Variants in PYHIN1 observed in about 807,000 individuals in gnomAD.
The protein encoded by PYHIN1 is pyrin and HIN domain-containing protein 1.
Under a neutral mutation model 43.7 loss-of-function variants are expected in PYHIN1, and 32 were observed. The ratio of observed to expected loss-of-function variants is 0.73; its 90% CI spans 0.55 to 0.98. The LOEUF (loss-of-function observed/expected upper bound fraction) is 0.98. Among genes scored for constraint, PYHIN1 ranks in the 50% least tolerant of loss-of-function variants. PYHIN1 has a pLI of 0.00. For missense variants in PYHIN1, 588 were observed against 589.5 expected (o/e 1.00, Z 0.03); for synonymous variants, 205 against 203.1 (o/e 1.01, Z -0.08).
chr1:158,953,021 A>G (rs1222383349), intron 7 of PYHIN1, among the ~76,000 whole-genome samples: 7 of 152,202 alleles, frequency 4.6e-5, no homozygotes, highest in Non-Finnish European at 8.8e-5. Flanking sequence ...GGTCACTCCC[A>G]CCCGAATATT....
At chr1:158,951,872 G>A (rs932091565) in intron 7 of PYHIN1, among the ~76,000 whole-genome samples, 1 of 152,172 alleles carries the variant, frequency 6.6e-6, no homozygotes, top group Non-Finnish European at 1.5e-5. Flanking sequence ...TGGATTTGGA[G>A]AGAGTCACGT....
At chr1:158,970,967 T>C (rs1650900903) in intron 7 of PYHIN1, among the ~76,000 whole-genome samples, 2 of 152,110 alleles carry the variant, frequency 1.3e-5, no homozygotes, top group African/African-American at 4.8e-5. Context: ...AGATTCATAT[T>C]CAACTTAGTC....
chr1:158,943,667 T>C, intron 5 of PYHIN1, 123 bp from the exon 6 acceptor site: 2 of 589,250 alleles, frequency 3.4e-6, no homozygotes, highest in Non-Finnish European at 6.0e-6. Flanking sequence ...ATATGTATTG[T>C]ATGTCGATAC....
chr1:158,964,496 A>C (rs1102001), intron 7 of PYHIN1, among the ~76,000 whole-genome samples: 146,308 of 152,184 alleles, frequency 0.96, 70,610 homozygotes, highest in East Asian at 1. Context: ...GGTCACTGGG[A>C]AGGTCACCTA....
In PYHIN1 at chr1:158,939,184, C is replaced by T; in HGVS notation, c.516C>T (p.Ala172=). Residue 172 remains alanine (A), a synonymous_variant, in exon 4 of 9, where the codon GCC becomes GCT. Transcript: ENST00000368140. ...CTGCAGGAGCCAGCACGTCCACAGC[C>T]ATGGGCCGTTCCCCACCTCCCCAGA... The part of the protein sequence containing the change: ...SCSAGASTST[A]MGRSPPPQTS... 6.2e-7 allele frequency: 1 copy of T among 1,613,880 alleles called. No individual in the cohort carries two copies.
At position 158,942,218 on chromosome 1, in the gene PYHIN1, A is replaced by T. The variant is rs370870504; in HGVS notation, c.821A>T (p.Tyr274Phe). Residue 274 changes from tyrosine to phenylalanine, a missense_variant, in exon 5 of 9, where the codon TAT becomes TTT. Transcript: ENST00000368140. ...AAGAGAATCATCATTATATCAAATTATTCCAAACGTAATAGTCTCCTAGAG... is the reference window on the plus strand; with the variant it reads ...AAGAGAATCATCATTATATCAAATTTTTCCAAACGTAATAGTCTCCTAGAG... ...IKKRIIIISN[Y>F]SKRNSLLEVN... is the part of the protein sequence containing the mutation. 2 of 1,613,962 alleles carry T rather than the reference A, an allele frequency of 1.2e-6. No homozygotes were observed. Among genetic ancestry groups the T allele is most frequent in the African/African-American group, 1.3e-5 (1 of 74,928 alleles).
chr1:158,962,535 T>A (rs1650383337), intron 7 of PYHIN1, among the ~76,000 whole-genome samples: 1 of 152,170 alleles, frequency 6.6e-6, no homozygotes, highest in Non-Finnish European at 1.5e-5. Flanking sequence ...CCCTGCCCCC[T>A]CCTGAACACT....
At chr1:158,959,236 A>G (rs1244142916) in intron 7 of PYHIN1, among the ~76,000 whole-genome samples, 1 of 152,156 alleles carries the variant, frequency 6.6e-6, no homozygotes, top group Non-Finnish European at 1.5e-5. Flanking sequence ...AGCTGAGCTA[A>G]GGGTCCAGGC....
chr1:158,939,291 A>C, intron 4 of PYHIN1, 44 bp downstream of exon 4: 1 of 1,582,350 alleles, frequency 6.3e-7, no homozygotes, highest in Non-Finnish European at 8.6e-7. Context: ...TCTTCAACCC[A>C]AAATGTAGGA....
chr1:158,987,514 T>G, the PYHIN1 span, among the ~76,000 whole-genome samples: 1 of 152,210 alleles, frequency 6.6e-6, no homozygotes, highest in Non-Finnish European at 1.5e-5. Flanking sequence ...TTCTTGATAA[T>G]GTTATTTGAT....
At chr1:158,959,699 C>G (rs1193426551) in intron 7 of PYHIN1, among the ~76,000 whole-genome samples, 1 of 152,176 alleles carries the variant, frequency 6.6e-6, no homozygotes, top group African/African-American at 2.4e-5. Context: ...CTCTCAGGTC[C>G]TTCATTTATG....
intron 7 of PYHIN1, among the ~76,000 whole-genome samples, chr1:158,959,739 T>C (rs1432706511): frequency 2.0e-5 from 3 of 152,182 alleles, no homozygotes; most frequent in Non-Finnish European, 2.9e-5. Flanking sequence ...CTTTTCATGA[T>C]AGCGTTTGAA....
At chr1:158,981,487 A>C (rs1651481747), downstream of PYHIN1, among the ~76,000 whole-genome samples, 1 of 152,172 alleles carries the variant, frequency 6.6e-6, no homozygotes, top group Non-Finnish European at 1.5e-5. Flanking sequence ...ATAAAGAAAT[A>C]AATAAACAAA....
chr1:158,979,315 C>T (rs938892369), downstream of PYHIN1, among the ~76,000 whole-genome samples: 1 of 152,168 alleles, frequency 6.6e-6, no homozygotes, highest in African/African-American at 2.4e-5. Context: ...CCCCCTTCCT[C>T]CAGCCCCAGC....
chr1:158,935,295 TAAAA>T (rs74959752), intron 1 of PYHIN1, among the ~76,000 whole-genome samples: 6 of 126,898 alleles, frequency 4.7e-5, no homozygotes, highest in Admixed American at 1.6e-4. Flanking sequence ...TGCCAGAGGT[TAAAA>T]AAAAAAAAAA....
chr1:158,937,393 G>T (rs1648624347), intron 2 of PYHIN1, among the ~76,000 whole-genome samples: 1 of 152,038 alleles, frequency 6.6e-6, no homozygotes, highest in South Asian at 2.1e-4. Flanking sequence ...TGCAGTAAAA[G>T]AACAAAAAGG....
intron 7 of PYHIN1, among the ~76,000 whole-genome samples, chr1:158,964,829 C>T (rs1650533210): frequency 6.6e-6 from 1 of 152,066 alleles, no homozygotes; most frequent in South Asian, 2.1e-4. Context: ...ACCACAGAAA[C>T]AAGTCTGCAT....
At chr1:158,979,639 C>T (rs79276370), downstream of PYHIN1, among the ~76,000 whole-genome samples, 4,283 of 152,134 alleles carry the variant, frequency 0.028, 295 homozygotes, top group East Asian at 0.26. Context: ...TACATGGGAG[C>T]GCTAGTAATA....
intron 8 of PYHIN1, among the ~76,000 whole-genome samples, chr1:158,975,064 C>A (rs1651173375): frequency 6.6e-6 from 1 of 152,038 alleles, no homozygotes; most frequent in Admixed American, 6.6e-5. Context: ...GCCCAGGAAT[C>A]TCAGCTAGGG....
Sources: allele counts gnomAD v4.1 joint callset (sites outside exome capture counted in the v4.1 genomes callset), GRCh38; gene constraint gnomAD v4.1.1; transcripts MANE v1.5; gene names NCBI Gene and HGNC (gene_info 2026-07-23, HGNC 2026-07-21).